RCAN2: variants seen among roughly 807,000 people sequenced by gnomAD.
The protein encoded by RCAN2 is calcipressin-2.
In RCAN2, 9 loss-of-function variants were observed where a neutral mutation model predicts 23.6. The observed-to-expected ratio is 0.38, with a 90% CI of 0.23 to 0.67. The LOEUF (loss-of-function observed/expected upper bound fraction) is 0.67, where lower values mean the gene tolerates loss of function less well. Among genes scored for constraint, RCAN2 ranks in the 30% least tolerant of loss-of-function variants. The probability of loss-of-function intolerance (pLI) is 0.51; values close to 1 mark genes in which losing one functional copy is unlikely to be tolerated. For synonymous variants in RCAN2, 109 were observed against 115.7 expected, an observed-to-expected ratio of 0.94 and a Z score of 0.37; for missense variants, 273 against 302.3, an observed-to-expected ratio of 0.90 and a Z score of 0.72.
chr6:46,257,836 T>G (rs1421629025), intron 2 of RCAN2, among the ~76,000 whole-genome samples: 1 of 152,112 alleles, frequency 6.6e-6, no homozygotes. Flanking sequence ...CCAAAACTAG[T>G]GAGTTCAAGT....
In RCAN2 at chr6:46,329,911, G is replaced by A. The variant is rs138013678; in HGVS notation, c.226-81015C>T. On this transcript the variant is annotated intron_variant, in intron 2 of 4. Coordinates refer to ENST00000371374, the MANE Select transcript of RCAN2 (RefSeq NM_001251974.2). ...TGATACACTCACCTCCATCTCAGCA[G>A]GAGGAGATGCACACCTTCCAATCCC... Among the ~76,000 whole-genome samples, 214 of 152,308 alleles carry A rather than the reference G, an allele frequency of 1.4e-3. 1 individual carries two copies. Among genetic ancestry groups the A allele is most frequent in the Middle Eastern group, 0.014 (4 of 294 alleles).
chr6:46,468,923 G>A, intron 1 of RCAN2: 3 of 831,642 alleles, frequency 3.6e-6, no homozygotes, highest in Non-Finnish European at 4.3e-6. Flanking sequence ...TTACTTGTTA[G>A]CACAATTTGC....
chr6:46,249,526 G>T (rs1766638392), intron 2 of RCAN2, among the ~76,000 whole-genome samples: 1 of 150,990 alleles, frequency 6.6e-6, no homozygotes, highest in Non-Finnish European at 1.5e-5. Context: ...CACCATGCTG[G>T]CCAGGCTGGT....
intron 2 of RCAN2, among the ~76,000 whole-genome samples, chr6:46,310,453 C>T (rs959198549): frequency 1.2e-4 from 19 of 152,026 alleles, no homozygotes; most frequent in Non-Finnish European, 2.5e-4. Flanking sequence ...TATTCTACAA[C>T]ACAAATTAGA....
intron 1 of RCAN2, among the ~76,000 whole-genome samples, chr6:46,460,099 C>T (rs1038931336): frequency 3.3e-5 from 5 of 151,780 alleles, no homozygotes; most frequent in African/African-American, 1.2e-4. Context: ...GCTCTGTTGC[C>T]CAAGCTGGAG....
chr6:46,388,267 A>ATAC (rs1247116692), intron 2 of RCAN2, among the ~76,000 whole-genome samples: 1 of 151,620 alleles, frequency 6.6e-6, no homozygotes, highest in East Asian at 1.9e-4. Flanking sequence ...AATAATAATA[A>ATAC]TAATAAAATA....
rs148516512 is a variant in RCAN2 at position 46,309,204 on chromosome 6, G to C, written c.226-60308C>G. Among the ~76,000 whole-genome samples the C allele has an allele frequency of 3.0e-4, 45 of 152,292 alleles. No individual in the cohort carries two copies. In the East Asian group the frequency reaches 7.5e-3, roughly 26 times the overall value. On this transcript the variant is annotated intron_variant, in intron 2 of 4. Coordinates refer to ENST00000371374, the MANE Select transcript of RCAN2 (RefSeq NM_001251974.2). ...CTTTATCATCACCATAATCCTGAGA[G>C]GTCAGTAATACCCTCATTGCCATTT...
chr6:46,487,819 T>A (rs1050069984), intron 1 of RCAN2, among the ~76,000 whole-genome samples: 3 of 152,202 alleles, frequency 2.0e-5, no homozygotes, highest in Non-Finnish European at 4.4e-5. Flanking sequence ...TTTGTGTTAA[T>A]CCTCTTTGAA....
At chr6:46,339,524 G>T (rs568966764) in intron 2 of RCAN2, among the ~76,000 whole-genome samples, 1 of 152,048 alleles carries the variant, frequency 6.6e-6, no homozygotes, top group Non-Finnish European at 1.5e-5. Context: ...CCAAAGTGGA[G>T]TTAGGGATCA....
rs1000094860 is a variant in RCAN2, at chr6:46,325,392, C to T, written c.226-76496G>A. ...TGAAAAATAAGATTGCAGGTGCATA[C>T]CTTAACCTCCTGATTGGTAAAGACC... On this transcript the variant is annotated intron_variant, in intron 2 of 4. Transcript: ENST00000371374. The T allele has an allele frequency of 1.2e-6, 2 of 1,614,066 alleles. No individual in the cohort carries two copies. The highest frequency in any genetic ancestry group is 1.7e-6 in the Non-Finnish European group (2 of 1,180,020).
At chr6:46,266,367 T>C (rs2081039907) in intron 2 of RCAN2, among the ~76,000 whole-genome samples, 1 of 152,196 alleles carries the variant, frequency 6.6e-6, no homozygotes, top group Non-Finnish European at 1.5e-5. Context: ...TTGATTATTA[T>C]CATGTTATCT....
At chr6:46,467,957 G>A (rs1158332064) in intron 1 of RCAN2, among the ~76,000 whole-genome samples, 1 of 152,178 alleles carries the variant, frequency 6.6e-6, no homozygotes, top group Non-Finnish European at 1.5e-5. Flanking sequence ...GCTGGCCCTG[G>A]AGTCTGAATC....
chr6:46,408,940 G>C (rs1433317574), intron 2 of RCAN2, among the ~76,000 whole-genome samples: 1 of 152,126 alleles, frequency 6.6e-6, no homozygotes, highest in Non-Finnish European at 1.5e-5. Flanking sequence ...TAAATAAAAT[G>C]CTGGGTCTTG....
At chr6:46,380,590 T>C (rs1349926000) in intron 2 of RCAN2, among the ~76,000 whole-genome samples, 1 of 152,204 alleles carries the variant, frequency 6.6e-6, no homozygotes, top group African/African-American at 2.4e-5. Context: ...TTGTCTGTGT[T>C]TAGCAAGCTC....
chr6:46,278,331 T>C (rs1169793397), intron 2 of RCAN2, among the ~76,000 whole-genome samples: 1 of 152,022 alleles, frequency 6.6e-6, no homozygotes, highest in African/African-American at 2.4e-5. Context: ...TTCCCCAATA[T>C]GCATATCTTA....
At chr6:46,392,029 C>T (rs922215651) in intron 2 of RCAN2, among the ~76,000 whole-genome samples, 1 of 152,042 alleles carries the variant, frequency 6.6e-6, no homozygotes, top group African/African-American at 2.4e-5. Flanking sequence ...GAGATTTTGC[C>T]CAGCAGAAAT....
chr6:46,377,787 A>C (rs1225767585), intron 2 of RCAN2, among the ~76,000 whole-genome samples: 1 of 152,190 alleles, frequency 6.6e-6, no homozygotes, highest in Non-Finnish European at 1.5e-5. Flanking sequence ...AGGGAGGGGT[A>C]CTAATTCAGA....
At chr6:46,417,950 G>C (rs961371786) in intron 2 of RCAN2, among the ~76,000 whole-genome samples, 10 of 152,142 alleles carry the variant, frequency 6.6e-5, no homozygotes, top group African/African-American at 2.4e-4. Flanking sequence ...TTTTTACTGT[G>C]ATAAGAGTCA....
intron 1 of RCAN2, among the ~76,000 whole-genome samples, chr6:46,462,771 C>T (rs1768257623): frequency 6.6e-6 from 1 of 152,192 alleles, no homozygotes; most frequent in East Asian, 1.9e-4. Flanking sequence ...CTTTAGAAGA[C>T]ATCTGATTCT....
Sources: allele counts gnomAD v4.1 joint callset (sites outside exome capture counted in the v4.1 genomes callset), GRCh38; gene constraint gnomAD v4.1.1; transcripts MANE v1.5; gene names NCBI Gene and HGNC (gene_info 2026-07-23, HGNC 2026-07-21).